GRB10: variants seen among roughly 807,000 people sequenced by gnomAD.
GRB10 encodes the protein growth factor receptor-bound protein 10.
GRB10 carries 20 observed loss-of-function variants against 80.9 expected under a neutral mutation model. That is an observed-to-expected ratio of 0.25 (90% CI 0.17 to 0.36). The LOEUF (loss-of-function observed/expected upper bound fraction) is 0.36, where lower values mean the gene tolerates loss of function less well. Among genes scored for constraint, GRB10 ranks in the 10% least tolerant of loss-of-function variants. The pLI, the probability that GRB10 is intolerant of heterozygous loss-of-function variation, is 1.00. For synonymous variants in GRB10, 291 were observed against 291.5 expected (o/e 1.00, Z 0.02); for missense variants, 548 against 747.7 (o/e 0.73, Z 3.12).
At chr7:50,685,926 C>G (rs994824398) in intron 5 of GRB10, among the ~76,000 whole-genome samples, 1 of 152,068 alleles carries the variant, frequency 6.6e-6, no homozygotes, top group Non-Finnish European at 1.5e-5. Flanking sequence ...TCCAGATGGG[C>G]CTTAAGGGGC....
At chr7:50,688,077 T>C (rs1563448906) in intron 5 of GRB10, among the ~76,000 whole-genome samples, 1 of 152,226 alleles carries the variant, frequency 6.6e-6, no homozygotes. Context: ...GGCATCTAAG[T>C]AGCCTTATGC....
At chr7:50,710,727 T>C in intron 4 of GRB10, 1 of 804,142 alleles carries the variant, frequency 1.2e-6, no homozygotes, top group African/African-American at 1.7e-5. Flanking sequence ...TCAGGGCAAC[T>C]GCCTCACCTT....
intron 7 of GRB10, among the ~76,000 whole-genome samples, chr7:50,633,700 A>G (rs1468266346): frequency 3.3e-5 from 1 of 30,040 alleles, no homozygotes; most frequent in Non-Finnish European, 5.8e-5. Flanking sequence ...GATATATTAA[A>G]AACAAACAAA....
intron 5 of GRB10, among the ~76,000 whole-genome samples, chr7:50,701,777 C>T (rs1400860414): frequency 6.6e-6 from 1 of 152,200 alleles, no homozygotes; most frequent in Non-Finnish European, 1.5e-5. Context: ...TGCCTTCAGG[C>T]ATTGCCCAGG....
intron 17 of GRB10, among the ~76,000 whole-genome samples, chr7:50,600,770 T>A (rs1015393607): frequency 6.6e-6 from 1 of 151,738 alleles, no homozygotes; most frequent in Non-Finnish European, 1.5e-5. Context: ...GAAACGAGGG[T>A]CAGCCTCCTT....
chr7:50,789,640 G>A lies in GRB10; in HGVS notation c.-294+3584C>T, dbSNP rs11977253. 9.8e-3 allele frequency among the ~76,000 whole-genome samples: 1,492 copies of A among 152,280 alleles called. 25 individuals carry two copies. Among genetic ancestry groups the A allele is most frequent in the African/African-American group, 0.034 (1,409 of 41,544 alleles). ...AACAAAAAGTCCACTCTGTTGCTGG[G>A]TCCAGCCCAAATAATAAGCCCCTCA... On this transcript the variant is annotated intron_variant, in intron 1 of 16. Coordinates refer to the GRB10 transcript ENST00000335866.
chr7:50,624,511 T>A (rs1265368391), intron 8 of GRB10, among the ~76,000 whole-genome samples: 2 of 152,234 alleles, frequency 1.3e-5, no homozygotes, highest in Admixed American at 6.5e-5. Context: ...ATTAATTTTT[T>A]AAAAAACGTT....
chr7:50,770,391 C>T (rs1439680791), intron 2 of GRB10, among the ~76,000 whole-genome samples: 1 of 152,176 alleles, frequency 6.6e-6, no homozygotes, highest in Non-Finnish European at 1.5e-5. Flanking sequence ...AGCAGAGGAA[C>T]TGGTGGTTCC....
chr7:50,791,616 T>G (rs1030954878), intron 1 of GRB10, among the ~76,000 whole-genome samples: 1 of 152,234 alleles, frequency 6.6e-6, no homozygotes, highest in African/African-American at 2.4e-5. Flanking sequence ...AAGTGCCTTG[T>G]AAACTGTGAA....
chr7:50,705,505 G>A (rs535909714), intron 4 of GRB10, among the ~76,000 whole-genome samples: 5 of 151,998 alleles, frequency 3.3e-5, no homozygotes, highest in African/African-American at 4.8e-5. Context: ...AAATTAAAAC[G>A]GAACCTCTCT....
At chr7:50,639,141 A>C (rs2529424) in intron 7 of GRB10, among the ~76,000 whole-genome samples, 136,792 of 152,242 alleles carry the variant, frequency 0.9, 61,626 homozygotes, top group African/African-American at 0.95. Flanking sequence ...CTGTTGGGTA[A>C]AATCTTCACT....
intron 13 of GRB10, among the ~76,000 whole-genome samples, chr7:50,609,786 C>T (rs1170091253): frequency 6.6e-6 from 1 of 152,064 alleles, no homozygotes; most frequent in Non-Finnish European, 1.5e-5. Flanking sequence ...GCTCCTACAG[C>T]TTCCAAGAAA....
chr7:50,711,260 C>T (rs1338091460), intron 4 of GRB10, among the ~76,000 whole-genome samples: 1 of 151,958 alleles, frequency 6.6e-6, no homozygotes, highest in African/African-American at 2.4e-5. Flanking sequence ...CCCAGCCCTC[C>T]CCCACCCCCT....
At chr7:50,603,711 T>A (rs1236293103) in intron 17 of GRB10, among the ~76,000 whole-genome samples, 1 of 152,336 alleles carries the variant, frequency 6.6e-6, no homozygotes, top group South Asian at 2.1e-4. Flanking sequence ...CCCACTACCT[T>A]ATGAAGATAA....
upstream of GRB10, chr7:50,783,034 G>GC (rs1224382334): frequency 2.0e-5 from 3 of 152,294 alleles, no homozygotes; most frequent in Admixed American, 1.3e-4. Flanking sequence ...CTCCCCCACA[G>GC]CCCCCCCGCC....
At chr7:50,621,147 G>A (rs184381777) in intron 8 of GRB10, among the ~76,000 whole-genome samples, 1 of 152,324 alleles carries the variant, frequency 6.6e-6, no homozygotes, top group African/African-American at 2.4e-5. Flanking sequence ...CCAAACCCAC[G>A]CAGGCGCCCA....
chr7:50,784,391 T>C (rs1420361375), upstream of GRB10, among the ~76,000 whole-genome samples: 2 of 152,210 alleles, frequency 1.3e-5, no homozygotes, highest in African/African-American at 4.8e-5. Flanking sequence ...ACCTCTGCAG[T>C]CAACCCCACA....
At chr7:50,626,059 C>T (rs780529220) in intron 8 of GRB10, among the ~76,000 whole-genome samples, 1 of 152,160 alleles carries the variant, frequency 6.6e-6, no homozygotes, top group African/African-American at 2.4e-5. Flanking sequence ...GAATATTTTA[C>T]TATGACTTTG....
At chr7:50,702,096 C>T (rs2153666970) in intron 5 of GRB10, among the ~76,000 whole-genome samples, 2 of 152,360 alleles carry the variant, frequency 1.3e-5, no homozygotes, top group East Asian at 3.9e-4. Context: ...GCTGCTGCCT[C>T]ATGGAAGACT....
Sources: allele counts gnomAD v4.1 joint callset (sites outside exome capture counted in the v4.1 genomes callset), GRCh38; gene constraint gnomAD v4.1.1; transcripts MANE v1.5; gene names NCBI Gene and HGNC (gene_info 2026-07-23, HGNC 2026-07-21).